The following MCU variants were observed in gnomAD, a reference collection of about 807,000 sequenced individuals.
MCU encodes the protein calcium uniporter protein, mitochondrial.
Under a neutral mutation model 45.2 loss-of-function variants are expected in MCU, and 12 were observed. The observed-to-expected ratio is 0.27, with a 90% CI of 0.17 to 0.43. The LOEUF (loss-of-function observed/expected upper bound fraction) is 0.43, where lower values mean the gene tolerates loss of function less well. Ranked by LOEUF, MCU falls within the 20% of genes least tolerant of loss-of-function variation. The probability of loss-of-function intolerance (pLI) is 1.00; values close to 1 mark genes in which losing one functional copy is unlikely to be tolerated. For synonymous variants in MCU, 160 were observed against 165.1 expected (o/e 0.97, Z 0.24); for missense variants, 324 against 436.7 (o/e 0.74, Z 2.30).
chr10:72,868,918 A>G (rs1589505457), intron 5 of MCU, 55 bp downstream of exon 5: 4 of 1,551,816 alleles, frequency 2.6e-6, no homozygotes, highest in Non-Finnish European at 3.5e-6. Context: ...TCCAGAGCAT[A>G]TATGTTTCTG....
intron 6 of MCU, among the ~76,000 whole-genome samples, chr10:72,872,032 C>T (rs1340055353): frequency 6.6e-6 from 1 of 152,054 alleles, no homozygotes; most frequent in African/African-American, 2.4e-5. Context: ...CAGAAATCCT[C>T]CTAAGTATGT....
intron 2 of MCU, among the ~76,000 whole-genome samples, chr10:72,857,441 C>CA (rs1273329127): frequency 6.6e-6 from 1 of 152,028 alleles, no homozygotes; most frequent in Non-Finnish European, 1.5e-5. Flanking sequence ...GGTTTTACCA[C>CA]ATTGGCCAAG....
chr10:72,781,740 G>A (rs763398766), intron 1 of MCU, among the ~76,000 whole-genome samples: 4 of 151,936 alleles, frequency 2.6e-5, no homozygotes, highest in Non-Finnish European at 5.9e-5. Context: ...CAGAAAAATA[G>A]GAACCTACTT....
chr10:72,693,192 G>A (rs1000501350), intron 1 of MCU: 1 of 926,418 alleles, frequency 1.1e-6, no homozygotes, highest in African/African-American at 1.6e-5. Context: ...GTGTGTGTGT[G>A]TGTGTGTGAG....
rs1027175341 is a variant in MCU at position 72,754,713 on chromosome 10, C to T, written c.150+62412C>T. Among the ~76,000 whole-genome samples, 4 of 152,192 alleles carry T rather than the reference C, an allele frequency of 2.6e-5. No homozygotes were observed. The East Asian group carries it at 5.8e-4, about 22-fold the overall frequency. ...TCCTGACCTCAGGTCATCCACCTGTCTTAGCCTCCCAAACTGCTGGGATTA... is the reference window on the plus strand; with the variant it reads ...TCCTGACCTCAGGTCATCCACCTGTTTTAGCCTCCCAAACTGCTGGGATTA... On this transcript the variant is annotated intron_variant, in intron 1 of 7. Transcript: ENST00000373053.
chr10:72,724,745 A>G (rs955310938), intron 1 of MCU, among the ~76,000 whole-genome samples: 1 of 152,238 alleles, frequency 6.6e-6, no homozygotes, highest in African/African-American at 2.4e-5. Context: ...GCAGCTCAGC[A>G]TATGGAAGAA....
chr10:72,879,301 T>C (rs932092481), intron 6 of MCU, among the ~76,000 whole-genome samples: 1 of 152,006 alleles, frequency 6.6e-6, no homozygotes, highest in Non-Finnish European at 1.5e-5. Context: ...CATTGAGATA[T>C]ATTGGTAGTA....
chr10:72,738,491 A>G (rs781604671), intron 1 of MCU, among the ~76,000 whole-genome samples: 10 of 152,236 alleles, frequency 6.6e-5, no homozygotes, highest in African/African-American at 2.4e-4. Flanking sequence ...TAAACAAGGA[A>G]ATGTGGATTT....
chr10:72,805,256 CT>C (rs796813461), intron 1 of MCU, among the ~76,000 whole-genome samples: 3 of 123,998 alleles, frequency 2.4e-5, no homozygotes. Context: ...TTCCTTTCTT[CT>C]TTTTTTTTGG....
intron 1 of MCU, among the ~76,000 whole-genome samples, chr10:72,821,837 A>G (rs946044530): frequency 5.9e-5 from 9 of 152,206 alleles, no homozygotes; most frequent in Non-Finnish European, 1.0e-4. Flanking sequence ...ACATTTTCCA[A>G]CAGACCACAG....
At chr10:72,720,984 G>T (rs1170310795) in intron 1 of MCU, 2 of 152,868 alleles carry the variant, frequency 1.3e-5, no homozygotes, top group African/African-American at 2.4e-5. Flanking sequence ...AGTAATTGTT[G>T]CTACATACTG....
At chr10:72,736,705 C>T (rs1405919752) in intron 1 of MCU, 4 of 152,198 alleles carry the variant, frequency 2.6e-5, no homozygotes, top group African/African-American at 9.7e-5. Context: ...TGCTGTAGTT[C>T]TCTCATGTAC....
intron 4 of MCU, among the ~76,000 whole-genome samples, chr10:72,866,038 A>G (rs921574394): frequency 2.6e-5 from 4 of 152,112 alleles, no homozygotes; most frequent in Non-Finnish European, 5.9e-5. Flanking sequence ...TGGCCTCCCA[A>G]AGTGCTGGGA....
At chr10:72,714,792 C>G (rs924775811) in intron 1 of MCU, among the ~76,000 whole-genome samples, 2 of 152,096 alleles carry the variant, frequency 1.3e-5, no homozygotes, top group African/African-American at 2.4e-5. Flanking sequence ...GATCTGCCCC[C>G]CCCTTGGCCT....
At chr10:72,856,448 T>C (rs1845292002) in intron 2 of MCU, among the ~76,000 whole-genome samples, 1 of 152,170 alleles carries the variant, frequency 6.6e-6, no homozygotes, top group South Asian at 2.1e-4. Flanking sequence ...ATGTAGGCCT[T>C]ATGAATTACT....
chr10:72,803,210 C>T (rs567534721), intron 1 of MCU, among the ~76,000 whole-genome samples: 2 of 151,608 alleles, frequency 1.3e-5, no homozygotes, highest in Non-Finnish European at 2.9e-5. Flanking sequence ...TTTCTTTTTC[C>T]TGCTTGTATT....
intron 7 of MCU, among the ~76,000 whole-genome samples, chr10:72,884,752 T>A (rs2132907166): frequency 6.6e-6 from 1 of 152,236 alleles, no homozygotes; most frequent in South Asian, 2.1e-4. Flanking sequence ...TTCACAAAAA[T>A]GTGTGGTAGC....
At chr10:72,783,621 TAAAG>T (rs1484794227) in intron 1 of MCU, among the ~76,000 whole-genome samples, 1 of 152,210 alleles carries the variant, frequency 6.6e-6, no homozygotes, top group African/African-American at 2.4e-5. Context: ...CCTTCCAGGA[TAAAG>T]AGAGGATTTT....
intron 1 of MCU, among the ~76,000 whole-genome samples, chr10:72,784,419 C>T (rs1298300219): frequency 1.3e-5 from 2 of 152,154 alleles, no homozygotes; most frequent in Non-Finnish European, 2.9e-5. Context: ...AATCAAGCCA[C>T]CTTGTAGCTG....
Sources: allele counts gnomAD v4.1 joint callset (sites outside exome capture counted in the v4.1 genomes callset), GRCh38; gene constraint gnomAD v4.1.1; transcripts MANE v1.5; gene names NCBI Gene and HGNC (gene_info 2026-07-23, HGNC 2026-07-21).